Variants in GRID2 observed in about 807,000 individuals in gnomAD.
The protein encoded by GRID2 is glutamate receptor ionotropic, delta-2.
GRID2 carries 33 observed loss-of-function variants against 114.8 expected under a neutral mutation model. The observed-to-expected ratio is 0.29, with a 90% CI of 0.22 to 0.38. The LOEUF is 0.38. GRID2 is among the 10% of genes least tolerant of loss of function. The pLI, the probability that GRID2 is intolerant of heterozygous loss-of-function variation, is 1.00. For synonymous variants in GRID2, 505 were observed against 449.9 expected, an observed-to-expected ratio of 1.12 and a Z score of -1.55; for missense variants, 1,184 against 1,257.7, an observed-to-expected ratio of 0.94 and a Z score of 0.89.
intron 2 of GRID2, among the ~76,000 whole-genome samples, chr4:92,887,669 G>A (rs1042324108): frequency 6.6e-6 from 1 of 152,256 alleles, no homozygotes. Flanking sequence ...AGGAAGCACA[G>A]TTTTGACAAA....
chr4:93,685,990 C>A (rs1726043576), intron 14 of GRID2, among the ~76,000 whole-genome samples: 1 of 152,002 alleles, frequency 6.6e-6, no homozygotes, highest in South Asian at 2.1e-4. Flanking sequence ...CTAGCTCTTG[C>A]CATTAGTACC....
chr4:92,517,399 A>G (rs540509770), intron 1 of GRID2, among the ~76,000 whole-genome samples: 40 of 152,088 alleles, frequency 2.6e-4, no homozygotes, highest in African/African-American at 8.9e-4. Flanking sequence ...GTAAACAAAA[A>G]TGAAAGTGTT....
At chr4:92,458,119 G>A (rs899607034) in intron 1 of GRID2, among the ~76,000 whole-genome samples, 3 of 152,144 alleles carry the variant, frequency 2.0e-5, no homozygotes, top group Non-Finnish European at 2.9e-5. Context: ...CTGAAAAATG[G>A]TCATGTCTTT....
chr4:92,484,952 G>C (rs1342335238), intron 1 of GRID2, among the ~76,000 whole-genome samples: 2 of 151,828 alleles, frequency 1.3e-5, no homozygotes, highest in East Asian at 3.9e-4. Context: ...GGATTACATG[G>C]AAAACTTCAT....
rs369300323 is a variant in GRID2 at position 93,323,459 on chromosome 4, A to G, written c.1246-72148A>G. Among the ~76,000 whole-genome samples the G allele has an allele frequency of 1.6e-4, 24 of 152,218 alleles. No individual in the cohort carries two copies. In the East Asian group the frequency reaches 3.1e-3, roughly 20 times the overall value. On this transcript the variant is annotated intron_variant, in intron 8 of 15. Transcript: ENST00000282020. ...GTTTTGGTTACTGTAGCCTTGTAGTATAGTTTGAAGTCAGGTAGTGTGATG... is the reference window on the plus strand; with the variant it reads ...GTTTTGGTTACTGTAGCCTTGTAGTGTAGTTTGAAGTCAGGTAGTGTGATG...
chr4:92,600,712 G>A (rs538040857), intron 2 of GRID2, among the ~76,000 whole-genome samples: 1 of 152,314 alleles, frequency 6.6e-6, no homozygotes, highest in South Asian at 2.1e-4. Flanking sequence ...ACCTGGAGGT[G>A]TCATCAGTGG....
intron 4 of GRID2, among the ~76,000 whole-genome samples, chr4:93,134,764 C>T (rs1445108477): frequency 2.0e-5 from 3 of 151,898 alleles, no homozygotes; most frequent in Non-Finnish European, 4.4e-5. Context: ...TTTTGCAGAA[C>T]AAAATGAAGG....
At chr4:93,401,847 AGCCAC>A (rs1765922475) in intron 9 of GRID2, among the ~76,000 whole-genome samples, 1 of 152,184 alleles carries the variant, frequency 6.6e-6, no homozygotes, top group South Asian at 2.1e-4. Flanking sequence ...TGCAGCAGAC[AGCCAC>A]CTACTGAGTT....
At chr4:92,414,987 G>T (rs1465734032) in intron 1 of GRID2, among the ~76,000 whole-genome samples, 1 of 152,000 alleles carries the variant, frequency 6.6e-6, no homozygotes, top group East Asian at 1.9e-4. Flanking sequence ...AGATGTTACG[G>T]TAGTCAGAGC....
At chr4:92,579,040 A>C (rs910754738) in intron 1 of GRID2, among the ~76,000 whole-genome samples, 1 of 152,124 alleles carries the variant, frequency 6.6e-6, no homozygotes, top group Non-Finnish European at 1.5e-5. Flanking sequence ...TTTAATCTGA[A>C]GTCTTAAGAT....
intron 1 of GRID2, among the ~76,000 whole-genome samples, chr4:92,383,594 A>G (rs1481110879): frequency 6.6e-6 from 1 of 151,920 alleles, no homozygotes. Flanking sequence ...TATTCTAAAT[A>G]ACATAGTATG....
chr4:92,704,721 CTT>C (rs1491546632), intron 2 of GRID2, among the ~76,000 whole-genome samples: 9 of 142,102 alleles, frequency 6.3e-5, no homozygotes, highest in African/African-American at 1.0e-4. Context: ...CTCTCTCTCT[CTT>C]TCTCTCTCTC....
Position 93,722,171 on chromosome 4 carries a change from C to T in GRID2, c.2361-47039C>T, listed in dbSNP as rs548446776. On this transcript the variant is annotated intron_variant, in intron 14 of 15. Transcript: ENST00000282020. Reference sequence around the variant, plus strand: ...CTGAAAGTGATCTACCTGCCTCAGCCTACCAAAGTGCTAGGATTACAGGCA... The same window carrying T: ...CTGAAAGTGATCTACCTGCCTCAGCTTACCAAAGTGCTAGGATTACAGGCA... Among the ~76,000 whole-genome samples, 41 of 152,098 alleles carry T rather than the reference C, an allele frequency of 2.7e-4. 1 individual carries two copies. The highest frequency in any genetic ancestry group is 5.0e-4 in the Non-Finnish European group (34 of 67,990).
intron 2 of GRID2, among the ~76,000 whole-genome samples, chr4:92,780,525 AT>A (rs1739016651): frequency 6.6e-6 from 1 of 152,112 alleles, no homozygotes; most frequent in Non-Finnish European, 1.5e-5. Flanking sequence ...TAATTTAAAT[AT>A]TTTAAATCAT....
chr4:92,672,909 C>A (rs1431903933), intron 2 of GRID2, among the ~76,000 whole-genome samples: 1 of 152,040 alleles, frequency 6.6e-6, no homozygotes, highest in Non-Finnish European at 1.5e-5. Context: ...TATCAAGCAC[C>A]AGTTCTCAGT....
At chr4:93,783,230 G>C (rs1022992165) in intron 1 of GRID2, among the ~76,000 whole-genome samples, 1 of 152,196 alleles carries the variant, frequency 6.6e-6, no homozygotes, top group Non-Finnish European at 1.5e-5. Context: ...CCTGAGTCTC[G>C]TAATAACCCT....
At chr4:93,038,086 A>G (rs1254964783) in intron 2 of GRID2, among the ~76,000 whole-genome samples, 1 of 152,174 alleles carries the variant, frequency 6.6e-6, no homozygotes, top group Non-Finnish European at 1.5e-5. Context: ...TTTCCTATCC[A>G]TGAGCATGGA....
At chr4:93,057,192 AAGAC>A (rs1191291682) in intron 2 of GRID2, among the ~76,000 whole-genome samples, 2 of 138,348 alleles carry the variant, frequency 1.4e-5, no homozygotes, top group East Asian at 2.1e-4. Flanking sequence ...GTGTGTTAGA[AAGAC>A]AGAGATTTCT....
intron 8 of GRID2, among the ~76,000 whole-genome samples, chr4:93,281,908 C>T (rs1325971868): frequency 6.6e-6 from 1 of 151,950 alleles, no homozygotes; most frequent in Admixed American, 6.6e-5. Flanking sequence ...AAGATTAATG[C>T]TAAAAAGCAA....
Sources: gnomAD v4.1 joint callset for allele counts (sites outside exome capture counted in the v4.1 genomes callset) on GRCh38, gnomAD v4.1.1 for gene constraint, MANE v1.5 for transcripts, NCBI Gene and HGNC (gene_info 2026-07-23, HGNC 2026-07-21) for gene names.